The following RPRD1A variants were observed in gnomAD, a reference collection of about 807,000 sequenced individuals.
RPRD1A encodes regulation of nuclear pre-mRNA domain-containing protein 1A.
In RPRD1A, 9 loss-of-function variants were observed where a neutral mutation model predicts 37.8. The observed-to-expected ratio is 0.24, with a 90% CI of 0.14 to 0.42. RPRD1A has a LOEUF of 0.42. RPRD1A is among the 10% of genes least tolerant of loss of function. The probability of loss-of-function intolerance (pLI) is 1.00; values close to 1 mark genes in which losing one functional copy is unlikely to be tolerated. For synonymous variants in RPRD1A, 138 were observed against 139.7 expected, an observed-to-expected ratio of 0.99 and a Z score of 0.08; for missense variants, 255 against 371.0, an observed-to-expected ratio of 0.69 and a Z score of 2.57.
intron 1 of RPRD1A, among the ~76,000 whole-genome samples, chr18:36,043,717 A>G (rs1912761710): frequency 6.9e-6 from 1 of 143,904 alleles, no homozygotes; most frequent in Non-Finnish European, 1.5e-5. Context: ...AATAATATTG[A>G]CTACAATTTT....
At chr18:36,004,800 G>T (rs1253149788) in intron 6 of RPRD1A, among the ~76,000 whole-genome samples, 1 of 152,186 alleles carries the variant, frequency 6.6e-6, no homozygotes, top group African/African-American at 2.4e-5. Context: ...CTACTCAGGA[G>T]GCTGAGGCAG....
At chr18:36,049,689 C>T (rs1337172740) in intron 1 of RPRD1A, among the ~76,000 whole-genome samples, 1 of 152,186 alleles carries the variant, frequency 6.6e-6, no homozygotes, top group Non-Finnish European at 1.5e-5. Context: ...GTATACACTA[C>T]ATTATGTTTA....
intron 6 of RPRD1A, among the ~76,000 whole-genome samples, chr18:36,012,883 T>A (rs1197050161): frequency 6.6e-6 from 1 of 152,244 alleles, no homozygotes; most frequent in Non-Finnish European, 1.5e-5. Flanking sequence ...ATTTACATTA[T>A]ATAGGTCCGA....
Position 36,054,668 on chromosome 18 carries a change from C to T in RPRD1A, c.151+12586G>A, listed in dbSNP as rs78729876. Among the ~76,000 whole-genome samples the T allele has an allele frequency of 4.9e-3, 743 of 151,836 alleles. 13 individuals are homozygous for T. Among genetic ancestry groups the T allele is most frequent in the East Asian group, 0.048 (248 of 5,154 alleles). ...TGGGAAATCTGGAGGCTGACAAGTC[C>T]CACGATCTGCAGTTCAGACTGCAGG... On this transcript the variant is annotated intron_variant, in intron 1 of 6. Coordinates refer to ENST00000399022, the MANE Select transcript of RPRD1A (RefSeq NM_018170.5).
chr18:36,004,413 C>A (rs1410482766), intron 6 of RPRD1A, among the ~76,000 whole-genome samples: 1 of 152,042 alleles, frequency 6.6e-6, no homozygotes, highest in Non-Finnish European at 1.5e-5. Flanking sequence ...CACCACCACA[C>A]CCAACTAATT....
intron 1 of RPRD1A, among the ~76,000 whole-genome samples, chr18:36,053,726 A>G (rs1259996618): frequency 6.6e-6 from 1 of 151,412 alleles, no homozygotes; most frequent in Non-Finnish European, 1.5e-5. Flanking sequence ...TGTTAACATG[A>G]GTAAGGAGGA....
intron 1 of RPRD1A, among the ~76,000 whole-genome samples, chr18:36,065,465 T>G (rs2089011195): frequency 6.6e-6 from 1 of 152,236 alleles, no homozygotes; most frequent in Admixed American, 6.5e-5. Flanking sequence ...TTTTTTTGTT[T>G]TCTTATTTTT....
intron 6 of RPRD1A, among the ~76,000 whole-genome samples, chr18:36,006,370 C>G (rs901126878): frequency 6.6e-6 from 1 of 152,094 alleles, no homozygotes; most frequent in African/African-American, 2.4e-5. Flanking sequence ...TATGTAGAGA[C>G]AGGGTCTCGC....
intron 1 of RPRD1A, among the ~76,000 whole-genome samples, chr18:36,047,475 G>A (rs1478124590): frequency 2.0e-5 from 3 of 151,900 alleles, no homozygotes; most frequent in South Asian, 2.1e-4. Flanking sequence ...AAATAATAAA[G>A]GTTAGAGCAG....
chr18:36,042,674 A>G (rs1912665324), intron 1 of RPRD1A, among the ~76,000 whole-genome samples: 1 of 152,204 alleles, frequency 6.6e-6, no homozygotes, highest in Non-Finnish European at 1.5e-5. Context: ...AAAAACAGTC[A>G]AGACATGTGC....
rs553997554 is a variant in RPRD1A, at chr18:36,021,934, G to A, written c.789+4966C>T. Among the ~76,000 whole-genome samples the A allele has an allele frequency of 3.7e-4, 57 of 152,272 alleles. 1 individual carries two copies. Among genetic ancestry groups the A allele is most frequent in the African/African-American group, 1.3e-3 (56 of 41,554 alleles). On this transcript the variant is annotated intron_variant, in intron 6 of 6. Transcript: ENST00000399022. ...AAGGATTGCTAGAGCCCAGGAGGTT[G>A]AAGTTGCAGTGAGCCGTGATCAAGC... is the stretch of plus-strand genomic sequence containing the variant.
At chr18:36,006,072 T>G (rs1909731005) in intron 6 of RPRD1A, among the ~76,000 whole-genome samples, 1 of 152,212 alleles carries the variant, frequency 6.6e-6, no homozygotes, top group East Asian at 1.9e-4. Flanking sequence ...ACAGAATTAA[T>G]GAAAATAGAA....
chr18:36,016,414 G>C (rs1910579819), intron 6 of RPRD1A, among the ~76,000 whole-genome samples: 1 of 152,024 alleles, frequency 6.6e-6, no homozygotes, highest in Non-Finnish European at 1.5e-5. Context: ...GTAGAAACAG[G>C]GTTTCTCCAT....
At chr18:36,055,689 T>C (rs1322316861) in intron 1 of RPRD1A, among the ~76,000 whole-genome samples, 1 of 152,170 alleles carries the variant, frequency 6.6e-6, no homozygotes, top group African/African-American at 2.4e-5. Context: ...AAATAACAAA[T>C]TGATTCTAGA....
chr18:36,031,132 T>G, intron 2 of RPRD1A, 35 bp from the exon 3 acceptor site: 2 of 1,495,870 alleles, frequency 1.3e-6, no homozygotes, highest in Non-Finnish European at 1.8e-6. Flanking sequence ...AGAAAAATGT[T>G]AACAGTAACA....
At chr18:36,024,074 T>C (rs772312392) in intron 6 of RPRD1A, among the ~76,000 whole-genome samples, 14 of 152,298 alleles carry the variant, frequency 9.2e-5, no homozygotes, top group Admixed American at 3.9e-4. Context: ...ATGATTCCTA[T>C]AGCAATCCCT....
chr18:36,040,263 T>C (rs1182354033), intron 1 of RPRD1A, among the ~76,000 whole-genome samples: 2 of 152,186 alleles, frequency 1.3e-5, no homozygotes, highest in African/African-American at 4.8e-5. Context: ...TTACTTGGTA[T>C]CTACCATTCA....
chr18:36,044,004 T>C (rs983771163), intron 1 of RPRD1A, among the ~76,000 whole-genome samples: 1 of 152,236 alleles, frequency 6.6e-6, no homozygotes, highest in Non-Finnish European at 1.5e-5. Flanking sequence ...ATAAACTATA[T>C]ACTGTATTCT....
chr18:36,058,758 T>C (rs934546803), intron 1 of RPRD1A, among the ~76,000 whole-genome samples: 2 of 152,190 alleles, frequency 1.3e-5, no homozygotes, highest in Non-Finnish European at 2.9e-5. Flanking sequence ...CAAGACACTT[T>C]CATGGGGTCA....
Sources: allele counts gnomAD v4.1 joint callset (sites outside exome capture counted in the v4.1 genomes callset), GRCh38; gene constraint gnomAD v4.1.1; transcripts MANE v1.5; gene names NCBI Gene and HGNC (gene_info 2026-07-23, HGNC 2026-07-21).